The following FNDC3B variants were observed in gnomAD, a reference collection of about 807,000 sequenced individuals.
The protein encoded by FNDC3B is fibronectin type III domain containing 3B, also known as fibronectin type III domain-containing protein 3B.
FNDC3B carries 12 observed loss-of-function variants against 151.5 expected under a neutral mutation model. The observed-to-expected ratio is 0.08, with a 90% CI of 0.05 to 0.13. FNDC3B has a LOEUF of 0.13. Ranked by LOEUF, FNDC3B falls within the 10% of genes least tolerant of loss-of-function variation. FNDC3B has a pLI of 1.00. For synonymous variants in FNDC3B, 528 were observed against 549.0 expected, an observed-to-expected ratio of 0.96 and a Z score of 0.54; for missense variants, 1,214 against 1,505.3, an observed-to-expected ratio of 0.81 and a Z score of 3.20.
chr3:172,300,898 C>A (rs1040037354), intron 9 of FNDC3B, among the ~76,000 whole-genome samples: 1 of 152,156 alleles, frequency 6.6e-6, no homozygotes, highest in Non-Finnish European at 1.5e-5. Flanking sequence ...ATAGATCATA[C>A]GTTCTTTTTC....
chr3:172,390,599 C>T (rs559555441), intron 25 of FNDC3B, among the ~76,000 whole-genome samples: 27 of 151,542 alleles, frequency 1.8e-4, no homozygotes, highest in African/African-American at 5.6e-4. Flanking sequence ...TCAAGTGATC[C>T]TCCCGCTGAG....
intron 1 of FNDC3B, among the ~76,000 whole-genome samples, chr3:172,072,611 G>A (rs957127561): frequency 2.0e-5 from 3 of 152,058 alleles, no homozygotes; most frequent in Non-Finnish European, 4.4e-5. Context: ...TGACATTCCC[G>A]CATGATTTTC....
intron 1 of FNDC3B, among the ~76,000 whole-genome samples, chr3:172,098,638 G>T (rs1719207972): frequency 6.6e-6 from 1 of 152,060 alleles, no homozygotes; most frequent in Admixed American, 6.6e-5. Context: ...AACAATTATG[G>T]CTTAGTATTT....
chr3:172,162,062 C>T (rs564895812), intron 3 of FNDC3B, among the ~76,000 whole-genome samples: 118 of 150,558 alleles, frequency 7.8e-4, no homozygotes, highest in African/African-American at 2.8e-3. Flanking sequence ...CTGCAACCTC[C>T]GCCTCCCAGA....
intron 11 of FNDC3B, among the ~76,000 whole-genome samples, chr3:172,320,098 G>A (rs1395585377): frequency 6.6e-6 from 1 of 152,206 alleles, no homozygotes; most frequent in African/African-American, 2.4e-5. Flanking sequence ...ATCTGAAAGA[G>A]GCCGGGCTCA....
chr3:172,363,992 T>TGG (rs1734485567), intron 23 of FNDC3B, among the ~76,000 whole-genome samples: 1 of 152,244 alleles, frequency 6.6e-6, no homozygotes, highest in South Asian at 2.1e-4. Context: ...AGCTTGACTT[T>TGG]GGAGGACCTG....
At chr3:172,182,258 G>A (rs1345325832) in intron 3 of FNDC3B, among the ~76,000 whole-genome samples, 2 of 152,312 alleles carry the variant, frequency 1.3e-5, no homozygotes, top group East Asian at 1.9e-4. Flanking sequence ...GTCACAGGAA[G>A]GATAGAGAAC....
intron 1 of FNDC3B, among the ~76,000 whole-genome samples, chr3:172,071,437 G>GTA (rs538571890): frequency 8.2e-4 from 125 of 151,964 alleles, no homozygotes; most frequent in African/African-American, 3.0e-3. Context: ...GGATCTTTAG[G>GTA]TATATATATA....
chr3:172,192,822 T>A (rs1263796943), intron 3 of FNDC3B, among the ~76,000 whole-genome samples: 1 of 152,110 alleles, frequency 6.6e-6, no homozygotes, highest in Non-Finnish European at 1.5e-5. Context: ...GTAAAAAGGC[T>A]TTAATTGCAG....
chr3:172,324,376 C>A (rs1006095782), intron 11 of FNDC3B, among the ~76,000 whole-genome samples: 1 of 152,118 alleles, frequency 6.6e-6, no homozygotes, highest in African/African-American at 2.4e-5. Flanking sequence ...TGCTCTCAGG[C>A]TAGGTCTGGG....
At chr3:172,070,509 C>T (rs539726935) in intron 1 of FNDC3B, among the ~76,000 whole-genome samples, 3 of 152,254 alleles carry the variant, frequency 2.0e-5, no homozygotes, top group Non-Finnish European at 2.9e-5. Context: ...TTGGGATAAT[C>T]GTAAATCCTG....
intron 11 of FNDC3B, among the ~76,000 whole-genome samples, chr3:172,312,763 T>A (rs531840680): frequency 9.2e-5 from 14 of 152,138 alleles, no homozygotes; most frequent in Non-Finnish European, 1.6e-4. Flanking sequence ...CATACCTCAG[T>A]GGGAAACCTC....
At chr3:172,363,171 A>G (rs1166287271) in intron 23 of FNDC3B, among the ~76,000 whole-genome samples, 1 of 152,182 alleles carries the variant, frequency 6.6e-6, no homozygotes. Context: ...TATATTAGTC[A>G]TGAGTGCAGA....
At chr3:172,063,625 TC>T (rs771593502) in intron 1 of FNDC3B, among the ~76,000 whole-genome samples, 5 of 152,198 alleles carry the variant, frequency 3.3e-5, no homozygotes, top group Non-Finnish European at 5.9e-5. Context: ...GGGGTTCCAT[TC>T]GGAGTTGGCT....
chr3:172,303,319 G>A (rs1165887062), intron 9 of FNDC3B, among the ~76,000 whole-genome samples: 1 of 152,060 alleles, frequency 6.6e-6, no homozygotes, highest in East Asian at 1.9e-4. Flanking sequence ...AAACAATTTG[G>A]CAAACAAGTT....
At chr3:172,128,807 A>G (rs2108566400) in intron 2 of FNDC3B, among the ~76,000 whole-genome samples, 1 of 152,292 alleles carries the variant, frequency 6.6e-6, no homozygotes, top group East Asian at 1.9e-4. Flanking sequence ...TTATACATGA[A>G]AACAAGCTAC....
chr3:172,209,156 TTG>T (rs2108707310), intron 3 of FNDC3B, among the ~76,000 whole-genome samples: 1 of 152,212 alleles, frequency 6.6e-6, no homozygotes, highest in African/African-American at 2.4e-5. Flanking sequence ...TTCAGCCTGT[TTG>T]TGTTACAGCT....
intron 25 of FNDC3B, among the ~76,000 whole-genome samples, chr3:172,396,293 A>G (rs1199546266): frequency 6.6e-6 from 1 of 152,206 alleles, no homozygotes; most frequent in Non-Finnish European, 1.5e-5. Context: ...TATAAGCAAA[A>G]TTAATTACAG....
At chr3:172,237,586 G>C (rs1727232202) in intron 4 of FNDC3B, 1 of 152,178 alleles carries the variant, frequency 6.6e-6, no homozygotes, top group Admixed American at 6.5e-5. Flanking sequence ...AACACAGTGA[G>C]ACCCTATCTC....
Sources: gnomAD v4.1 joint callset for allele counts (sites outside exome capture counted in the v4.1 genomes callset) on GRCh38, gnomAD v4.1.1 for gene constraint, MANE v1.5 for transcripts, NCBI Gene and HGNC (gene_info 2026-07-23, HGNC 2026-07-21) for gene names.